The following AMBRA1 variants were observed in gnomAD, a reference collection of about 807,000 sequenced individuals.
The protein encoded by AMBRA1 is activating molecule in BECN1-regulated autophagy protein 1.
AMBRA1 carries 47 observed loss-of-function variants against 125.4 expected under a neutral mutation model. The observed-to-expected ratio is 0.37, with a 90% CI of 0.30 to 0.48. The LOEUF is 0.48. Among genes scored for constraint, AMBRA1 ranks in the 20% least tolerant of loss-of-function variants. The pLI is 0.99. For synonymous variants in AMBRA1, 626 were observed against 655.5 expected (o/e 0.95, Z 0.69); for missense variants, 1,331 against 1,693.4 (o/e 0.79, Z 3.76).
intron 11 of AMBRA1, among the ~76,000 whole-genome samples, chr11:46,482,322 T>G (rs1347611568): frequency 1.3e-5 from 2 of 152,200 alleles, no homozygotes; most frequent in Non-Finnish European, 2.9e-5. Context: ...TGGGTGAAAC[T>G]TCACTCTAAT....
At chr11:46,501,636 T>C (rs1357560073) in intron 9 of AMBRA1, among the ~76,000 whole-genome samples, 1 of 152,248 alleles carries the variant, frequency 6.6e-6, no homozygotes, top group Non-Finnish European at 1.5e-5. Context: ...ATTTTCACTT[T>C]GCAAACATCT....
At chr11:46,447,708 GTAGATAGATAGA>G (rs59044666) in intron 11 of AMBRA1, among the ~76,000 whole-genome samples, 27,494 of 138,388 alleles carry the variant, frequency 0.2, 3,027 homozygotes, top group African/African-American at 0.28. Flanking sequence ...AGACCATCTT[GTAGATAGATAGA>G]TAGATAGATA....
Position 46,543,263 on chromosome 11 carries a change from A to C in AMBRA1, c.754T>G (p.Ser252Ala). ...CTTTGCTCTCCCACCTGGATGCCAG[A>C]AGAGCGGGAGGACAGCATGTGCAGG... ...NFLHMLSSRS[S>A]GIQVGEQSTV... is the part of the protein sequence containing the mutation. The change falls in exon 7 of 18, where the codon TCT becomes GCT. Residue 252 changes from serine (S) to alanine (A), a missense_variant. Ser to Ala is a moderately conservative substitution (Grantham distance 99). Coordinates refer to ENST00000683756, the MANE Select transcript of AMBRA1 (RefSeq NM_001387011.1). 6.2e-7 allele frequency: 1 copy of C among 1,613,984 alleles called. No individual in the cohort carries two copies. The highest frequency in any genetic ancestry group is 8.5e-7 in the Non-Finnish European group (1 of 1,179,988).
intron 11 of AMBRA1, among the ~76,000 whole-genome samples, chr11:46,444,564 T>C (rs896106937): frequency 3.9e-5 from 6 of 152,196 alleles, no homozygotes; most frequent in Non-Finnish European, 7.3e-5. Flanking sequence ...CTAACCTAAA[T>C]GGTATTCTCA....
At chr11:46,544,750 GA>G (rs1241792735) in intron 5 of AMBRA1, among the ~76,000 whole-genome samples, 1 of 152,072 alleles carries the variant, frequency 6.6e-6, no homozygotes, top group East Asian at 1.9e-4. Flanking sequence ...CCAAAAACCA[GA>G]AGATGAGGCC....
chr11:46,470,283 A>T (rs534808895), intron 11 of AMBRA1, among the ~76,000 whole-genome samples: 24 of 152,148 alleles, frequency 1.6e-4, no homozygotes, highest in African/African-American at 4.3e-4. Context: ...TCTACAAAAA[A>T]TTTTTTAAAA....
chr11:46,437,737 T>C (rs1947797076), intron 12 of AMBRA1, among the ~76,000 whole-genome samples: 1 of 152,226 alleles, frequency 6.6e-6, no homozygotes. Flanking sequence ...TACTTGTTTA[T>C]TTAGGCCACA....
At chr11:46,417,556 C>T (rs1395217475) in intron 15 of AMBRA1, among the ~76,000 whole-genome samples, 1 of 152,122 alleles carries the variant, frequency 6.6e-6, no homozygotes, top group African/African-American at 2.4e-5. Context: ...CCAAGACCAC[C>T]TGTTGAATTT....
chr11:46,413,929 C>A (rs899096334), intron 15 of AMBRA1, among the ~76,000 whole-genome samples: 1 of 152,168 alleles, frequency 6.6e-6, no homozygotes, highest in African/African-American at 2.4e-5. Context: ...CTGGGAACTA[C>A]ACAAATACAC....
chr11:46,540,850 C>T (rs1364324807), intron 7 of AMBRA1, among the ~76,000 whole-genome samples: 1 of 152,176 alleles, frequency 6.6e-6, no homozygotes, highest in African/African-American at 2.4e-5. Flanking sequence ...GGGTAAAGAC[C>T]ATGTATTATA....
chr11:46,539,901 G>C (rs565733794), intron 7 of AMBRA1, among the ~76,000 whole-genome samples: 8 of 151,892 alleles, frequency 5.3e-5, no homozygotes, highest in Non-Finnish European at 1.0e-4. Flanking sequence ...GCGTGATCTT[G>C]GCTCACCGCA....
intron 7 of AMBRA1, among the ~76,000 whole-genome samples, chr11:46,517,136 T>G (rs957796413): frequency 6.6e-6 from 1 of 151,246 alleles, no homozygotes; most frequent in African/African-American, 2.4e-5. Flanking sequence ...ACACATGGAT[T>G]ACTCAAAAGC....
Position 46,404,813 on chromosome 11 carries a change from C to T in AMBRA1, c.3403+3700G>A, listed in dbSNP as rs73466042. 2.0e-3 allele frequency among the ~76,000 whole-genome samples: 300 copies of T among 152,298 alleles called. 2 individuals are homozygous for T. Among genetic ancestry groups the T allele is most frequent in the African/African-American group, 7.0e-3 (289 of 41,556 alleles). ...TCTGCCCCACCCTCTGTCCCCATCC[C>T]CCCAAAAGAATGAAAGGAACTTATA... On this transcript the variant is annotated intron_variant, in intron 17 of 17. Coordinates refer to ENST00000683756, the MANE Select transcript of AMBRA1 (RefSeq NM_001387011.1).
intron 6 of AMBRA1, among the ~76,000 whole-genome samples, chr11:46,543,697 A>C (rs61882745): frequency 1.2e-4 from 19 of 152,188 alleles, no homozygotes; most frequent in Non-Finnish European, 2.4e-4. Context: ...CAAAATGTCA[A>C]CCAGCCAGAG....
At chr11:46,588,005 G>A (rs964890752) in intron 1 of AMBRA1, among the ~76,000 whole-genome samples, 20 of 152,294 alleles carry the variant, frequency 1.3e-4, no homozygotes, top group African/African-American at 4.8e-4. Context: ...TTAACCCTAA[G>A]AGCAGAGGGA....
chr11:46,421,883 C>A (rs1946864075), intron 14 of AMBRA1, among the ~76,000 whole-genome samples: 1 of 152,130 alleles, frequency 6.6e-6, no homozygotes, highest in Admixed American at 6.5e-5. Flanking sequence ...CTCTGTAAAC[C>A]CAAAGGTCAT....
intron 15 of AMBRA1, among the ~76,000 whole-genome samples, chr11:46,417,431 TGTTAGAGATCA>T (rs1672992725): frequency 2.0e-5 from 3 of 152,160 alleles, no homozygotes; most frequent in East Asian, 1.9e-4. Flanking sequence ...ACAGAATTGT[TGTTAGAGATCA>T]GTTAGAGATC....
At chr11:46,592,064 G>A (rs2044620234) in intron 1 of AMBRA1, among the ~76,000 whole-genome samples, 3 of 148,222 alleles carry the variant, frequency 2.0e-5, no homozygotes, top group Admixed American at 1.4e-4. Context: ...TCCTGCCTCA[G>A]CCTCCCAAGT....
intron 7 of AMBRA1, among the ~76,000 whole-genome samples, chr11:46,541,704 C>G (rs1383782697): frequency 1.3e-5 from 2 of 152,232 alleles, no homozygotes; most frequent in African/African-American, 4.8e-5. Context: ...CCTTTCAAGG[C>G]TAAAGCCAGA....
Sources: allele counts gnomAD v4.1 joint callset (sites outside exome capture counted in the v4.1 genomes callset), GRCh38; gene constraint gnomAD v4.1.1; transcripts MANE v1.5; gene names NCBI Gene and HGNC (gene_info 2026-07-23, HGNC 2026-07-21).